The following NBEA variants were observed in gnomAD, a reference collection of about 807,000 sequenced individuals.
NBEA encodes the protein neurobeachin, also known as lysosomal-trafficking regulator 2.
NBEA carries 44 observed loss-of-function variants against 343.4 expected under a neutral mutation model. That is an observed-to-expected ratio of 0.13 (90% CI 0.10 to 0.16). The LOEUF (loss-of-function observed/expected upper bound fraction) is 0.16, where lower values mean the gene tolerates loss of function less well. Among genes scored for constraint, NBEA ranks in the 10% least tolerant of loss-of-function variants. NBEA has a pLI of 1.00. For synonymous variants in NBEA, 1,175 were observed against 1,238.7 expected (o/e 0.95, Z 1.08); for missense variants, 2,555 against 3,631.3 (o/e 0.70, Z 7.62).
intron 41 of NBEA, among the ~76,000 whole-genome samples, chr13:35,530,971 G>A (rs1295732778): frequency 6.6e-6 from 1 of 152,076 alleles, no homozygotes; most frequent in African/African-American, 2.4e-5. Context: ...CATAGGCTTC[G>A]ACGTCAGAAA....
At chr13:35,070,987 C>A in intron 10 of NBEA, 135 bp downstream of exon 10, 2 of 870,210 alleles carry the variant, frequency 2.3e-6, no homozygotes, top group South Asian at 4.5e-5. Context: ...TTTTTTAGAA[C>A]TAATGGAGAT....
intron 49 of NBEA, among the ~76,000 whole-genome samples, chr13:35,644,110 TA>T (rs2084102123): frequency 6.6e-6 from 1 of 152,168 alleles, no homozygotes; most frequent in African/African-American, 2.4e-5. Flanking sequence ...ACCAGATAGC[TA>T]AAAGGTAAAT....
Position 35,160,040 on chromosome 13 carries a change from A to G in NBEA, c.3861+8A>G. On this transcript the variant is annotated splice_region_variant and intron_variant, in intron 22 of 58. Transcript: ENST00000379939. ...ACAACTACTACGACACAAGTAAGCT[A>G]CCTTATATGAGTTCTAGAAATAAAT... 1.9e-6 allele frequency: 3 copies of G among 1,539,362 alleles called. No individual in the cohort carries two copies. The highest frequency in any genetic ancestry group is 2.6e-6 in the Non-Finnish European group (3 of 1,148,540).
At chr13:35,640,950 T>C (rs2083917848) in intron 49 of NBEA, among the ~76,000 whole-genome samples, 1 of 152,144 alleles carries the variant, frequency 6.6e-6, no homozygotes, top group African/African-American at 2.4e-5. Context: ...GAAAAATAAA[T>C]GCTAAGTGCA....
chr13:35,171,117 C>A (rs746445577), intron 25 of NBEA, 155 bp from the exon 26 acceptor site: 1 of 789,966 alleles, frequency 1.3e-6, no homozygotes, highest in Non-Finnish European at 2.2e-6. Flanking sequence ...TGGTAACCAG[C>A]TCTGGTGATA....
chr13:35,169,711 G>A (rs1304008530), intron 25 of NBEA, among the ~76,000 whole-genome samples: 1 of 151,554 alleles, frequency 6.6e-6, no homozygotes, highest in Non-Finnish European at 1.5e-5. Flanking sequence ...CTAAGAAATG[G>A]CCAAGTTCTT....
chr13:35,396,803 C>A (rs548072881), intron 38 of NBEA, among the ~76,000 whole-genome samples: 60 of 152,298 alleles, frequency 3.9e-4, no homozygotes, highest in Non-Finnish European at 7.4e-4. Context: ...CTCCTCCAAA[C>A]CGGAAGTAGA....
intron 10 of NBEA, among the ~76,000 whole-genome samples, chr13:35,089,731 TA>T (rs1257941967): frequency 1.4e-5 from 2 of 145,128 alleles, no homozygotes; most frequent in African/African-American, 2.6e-5. Context: ...TATGCAGCCA[TA>T]AAAAATGATG....
At chr13:35,282,729 A>G (rs73169716) in intron 34 of NBEA, among the ~76,000 whole-genome samples, 6,972 of 152,228 alleles carry the variant, frequency 0.046, 204 homozygotes, top group South Asian at 0.079. Context: ...CAATTTCAAA[A>G]ATAATTGTTT....
chr13:35,024,945 A>G (rs1340346821), intron 1 of NBEA, among the ~76,000 whole-genome samples: 1 of 152,068 alleles, frequency 6.6e-6, no homozygotes, highest in Non-Finnish European at 1.5e-5. Flanking sequence ...CTGAGCAAAT[A>G]TACTTGTTGG....
At chr13:35,388,295 G>A (rs181529977) in intron 38 of NBEA, among the ~76,000 whole-genome samples, 11 of 152,098 alleles carry the variant, frequency 7.2e-5, no homozygotes, top group Admixed American at 1.3e-4. Flanking sequence ...AATATGTCTT[G>A]GAAAGCCTTC....
chr13:35,189,867 TG>T (rs1157201843), intron 30 of NBEA, among the ~76,000 whole-genome samples: 2 of 152,144 alleles, frequency 1.3e-5, no homozygotes, highest in Admixed American at 1.3e-4. Flanking sequence ...ACCCAGAGGC[TG>T]TTAATTCAAG....
chr13:35,035,430 A>G (rs752206043), intron 1 of NBEA, among the ~76,000 whole-genome samples: 8 of 151,998 alleles, frequency 5.3e-5, no homozygotes, highest in Non-Finnish European at 8.8e-5. Context: ...GTGACCTAAC[A>G]TATGGTCTGT....
rs2085603072 is a variant in NBEA at position 35,671,270 on chromosome 13, G to C, written c.*279G>C. 2 of 268,662 alleles carry C rather than the reference G, an allele frequency of 7.4e-6. No homozygotes were observed. The highest frequency in any genetic ancestry group is 1.4e-5 in the Non-Finnish European group (2 of 140,208). The allele number at this position is 268,662 out of a possible 1,614,324, so 16.6% of individuals were successfully genotyped here. On this transcript the variant is annotated 3_prime_UTR_variant, in exon 59 of 59. Transcript: ENST00000379939. ...CATATATTGTTGTTTATTGAGAAAA[G>C]GTTGTAGGATGTGTCACAAGAGACT...
chr13:35,138,458 A>G (rs1290308559), intron 17 of NBEA, among the ~76,000 whole-genome samples: 1 of 146,754 alleles, frequency 6.8e-6, no homozygotes, highest in Non-Finnish European at 1.5e-5. Flanking sequence ...CAATTATGCT[A>G]CTTTTTTTTT....
chr13:35,504,754 G>A (rs559865810), intron 41 of NBEA, among the ~76,000 whole-genome samples: 16 of 151,854 alleles, frequency 1.1e-4, no homozygotes, highest in African/African-American at 3.6e-4. Context: ...GATTATAGGC[G>A]TGCCCCCATG....
chr13:35,502,897 A>AT (rs1276040433), intron 41 of NBEA, among the ~76,000 whole-genome samples: 3 of 152,096 alleles, frequency 2.0e-5, no homozygotes, highest in South Asian at 2.1e-4. Context: ...CAAGTTTTGG[A>AT]TTTTTTTTAT....
intron 1 of NBEA, among the ~76,000 whole-genome samples, chr13:34,991,562 C>T (rs1936471113): frequency 6.6e-6 from 1 of 152,140 alleles, no homozygotes; most frequent in Non-Finnish European, 1.5e-5. Context: ...AGTCACCTCC[C>T]ACCAGGCCCC....
chr13:35,603,238 T>C (rs1354987664), intron 47 of NBEA, among the ~76,000 whole-genome samples: 19 of 152,164 alleles, frequency 1.2e-4, no homozygotes, highest in Admixed American at 1.2e-3. Context: ...TCATCCAATA[T>C]CTTTAATAGC....
Sources: gnomAD v4.1 joint callset for allele counts (sites outside exome capture counted in the v4.1 genomes callset) on GRCh38, gnomAD v4.1.1 for gene constraint, MANE v1.5 for transcripts, NCBI Gene and HGNC (gene_info 2026-07-23, HGNC 2026-07-21) for gene names.